TECRL: variants seen among roughly 807,000 people sequenced by gnomAD.
The protein encoded by TECRL is trans-2,3-enoyl-CoA reductase like.
In TECRL, 63 loss-of-function variants were observed where a neutral mutation model predicts 52.8. The ratio of observed to expected loss-of-function variants is 1.19; its 90% CI spans 0.97 to 1.47. TECRL has a LOEUF of 1.47. Among genes scored for constraint, TECRL ranks in the 40% most tolerant of loss-of-function variants. The pLI is 0.00. For synonymous variants in TECRL, 164 were observed against 141.9 expected (o/e 1.16, Z -1.10); for missense variants, 482 against 429.6 (o/e 1.12, Z -1.08).
intron 7 of TECRL, among the ~76,000 whole-genome samples, chr4:64,300,948 A>G (rs542968353): frequency 2.3e-4 from 34 of 151,086 alleles, no homozygotes; most frequent in Non-Finnish European, 4.2e-4. Flanking sequence ...ACTGCTTTGA[A>G]CATCTTTACG....
chr4:64,377,610 T>A (rs898996477), intron 1 of TECRL, among the ~76,000 whole-genome samples: 3 of 152,052 alleles, frequency 2.0e-5, no homozygotes, highest in Non-Finnish European at 4.4e-5. Context: ...AATCTTAAAA[T>A]AGTGAGTAGG....
At chr4:64,352,887 T>C (rs916721700) in intron 2 of TECRL, among the ~76,000 whole-genome samples, 7 of 152,214 alleles carry the variant, frequency 4.6e-5, no homozygotes, top group Non-Finnish European at 5.9e-5. Flanking sequence ...TAATTTTATT[T>C]ATTTATTATT....
intron 1 of TECRL, among the ~76,000 whole-genome samples, chr4:64,394,182 A>G (rs1723753151): frequency 6.6e-6 from 1 of 152,182 alleles, no homozygotes; most frequent in South Asian, 2.1e-4. Flanking sequence ...TTCATTACCA[A>G]CATGACCTGC....
intron 1 of TECRL, among the ~76,000 whole-genome samples, chr4:64,406,783 T>A (rs1560566856): frequency 6.6e-6 from 1 of 152,028 alleles, no homozygotes; most frequent in Non-Finnish European, 1.5e-5. Flanking sequence ...GTACATGGTA[T>A]GTAAATTGTA....
chr4:64,403,460 C>T (rs1231443298), intron 1 of TECRL, among the ~76,000 whole-genome samples: 3 of 142,284 alleles, frequency 2.1e-5, no homozygotes, highest in Non-Finnish European at 3.1e-5. Context: ...AAACAATATT[C>T]TTCCCTCCCT....
At chr4:64,303,949 G>A (rs1266404230) in intron 7 of TECRL, among the ~76,000 whole-genome samples, 4 of 151,762 alleles carry the variant, frequency 2.6e-5, no homozygotes, top group Non-Finnish European at 4.4e-5. Context: ...TGAGCATAGT[G>A]AAATTATCTT....
chr4:64,338,252 C>G (rs1358353640), intron 2 of TECRL, among the ~76,000 whole-genome samples: 1 of 152,108 alleles, frequency 6.6e-6, no homozygotes. Flanking sequence ...AAACTGGATC[C>G]CTTCCTTACA....
At chr4:64,356,593 A>G (rs1171833079) in intron 2 of TECRL, among the ~76,000 whole-genome samples, 2 of 152,124 alleles carry the variant, frequency 1.3e-5, no homozygotes, top group Non-Finnish European at 2.9e-5. Context: ...TTATTGTGAC[A>G]CAGATTCCTT....
chr4:64,376,077 G>A (rs980448685), intron 1 of TECRL, among the ~76,000 whole-genome samples: 2 of 151,604 alleles, frequency 1.3e-5, no homozygotes, highest in Non-Finnish European at 3.0e-5. Context: ...TGTTTTGAAA[G>A]GGTTAAATAA....
At chr4:64,360,126 G>C (rs369279956) in intron 2 of TECRL, among the ~76,000 whole-genome samples, 183 of 152,250 alleles carry the variant, frequency 1.2e-3, no homozygotes, top group African/African-American at 4.2e-3. Context: ...GTTTTTGATT[G>C]ATAATATGTC....
chr4:64,351,910 T>C (rs1434898869), intron 2 of TECRL, among the ~76,000 whole-genome samples: 4 of 152,170 alleles, frequency 2.6e-5, no homozygotes, highest in African/African-American at 9.7e-5. Flanking sequence ...CCTTAAATCT[T>C]ACTAATTAAT....
intron 1 of TECRL, among the ~76,000 whole-genome samples, chr4:64,377,177 A>G (rs1312469242): frequency 6.6e-6 from 1 of 152,036 alleles, no homozygotes; most frequent in African/African-American, 2.4e-5. Context: ...TTGTTAGAAA[A>G]GTGCTGATTT....
At chr4:64,311,422 T>G (rs1716992052) in intron 5 of TECRL, among the ~76,000 whole-genome samples, 1 of 152,174 alleles carries the variant, frequency 6.6e-6, no homozygotes, top group South Asian at 2.1e-4. Context: ...GAAGCTGCCT[T>G]GTGAGCACAC....
chr4:64,400,679 G>A (rs1724293392), intron 1 of TECRL, among the ~76,000 whole-genome samples: 2 of 152,076 alleles, frequency 1.3e-5, no homozygotes, highest in African/African-American at 2.4e-5. Flanking sequence ...TAGTGAGTGA[G>A]TTCTTGCAGG....
Position 64,381,873 on chromosome 4 carries a change from G to T in TECRL, c.235-6650C>A, listed in dbSNP as rs112443085. On this transcript the variant is annotated intron_variant, in intron 1 of 11. Coordinates refer to ENST00000381210, the MANE Select transcript of TECRL (RefSeq NM_001010874.5). ...GTACTATTTGCGTGTGTGTGTGTGTGCACGCAAGTGCACGTGTGTGTGGGG... is the reference window on the plus strand; with the variant it reads ...GTACTATTTGCGTGTGTGTGTGTGTTCACGCAAGTGCACGTGTGTGTGGGG... Among the ~76,000 whole-genome samples the T allele has an allele frequency of 7.5e-3, 1,134 of 152,114 alleles. 12 individuals are homozygous for T. The highest frequency in any genetic ancestry group is 0.025 in the African/African-American group (1,036 of 41,532).
chr4:64,285,192 C>G (rs528977814), intron 9 of TECRL, among the ~76,000 whole-genome samples: 5 of 152,056 alleles, frequency 3.3e-5, no homozygotes, highest in Non-Finnish European at 7.4e-5. Context: ...CTAAAGGGAA[C>G]TGCCTTACAA....
intron 8 of TECRL, among the ~76,000 whole-genome samples, chr4:64,293,260 T>A (rs1178880711): frequency 6.6e-6 from 1 of 152,142 alleles, no homozygotes; most frequent in African/African-American, 2.4e-5. Context: ...ACTTACTTTT[T>A]CAGGACCCTC....
rs945901144 is a variant in TECRL at position 64,371,129 on chromosome 4, T to A, written c.286+4043A>T. ...GGATGGCTGTAGAAACTGTATATGC[T>A]ATTTGGAGTGCCATTTAGGGCATCT... is the stretch of plus-strand genomic sequence containing the variant. On this transcript the variant is annotated intron_variant, in intron 2 of 11. Coordinates refer to ENST00000381210, the MANE Select transcript of TECRL (RefSeq NM_001010874.5). Among the ~76,000 whole-genome samples the A allele has an allele frequency of 3.3e-5, 5 of 151,774 alleles. No individual in the cohort carries two copies. In the East Asian group the frequency reaches 7.7e-4, roughly 24 times the overall value.
At chr4:64,325,176 C>A (rs1718176307) in intron 3 of TECRL, among the ~76,000 whole-genome samples, 1 of 152,134 alleles carries the variant, frequency 6.6e-6, no homozygotes. Context: ...TGACAGCCAG[C>A]AAGAACACAG....
Sources: gnomAD v4.1 joint callset for allele counts (sites outside exome capture counted in the v4.1 genomes callset) on GRCh38, gnomAD v4.1.1 for gene constraint, MANE v1.5 for transcripts, NCBI Gene and HGNC (gene_info 2026-07-23, HGNC 2026-07-21) for gene names.